Variants in SLK observed in about 807,000 individuals in gnomAD.
The protein encoded by SLK is STE20-like serine/threonine-protein kinase.
Under a neutral mutation model 147.7 loss-of-function variants are expected in SLK, and 67 were observed. The ratio of observed to expected loss-of-function variants is 0.45; its 90% CI spans 0.37 to 0.56. SLK has a LOEUF of 0.56. Ranked by LOEUF, SLK falls within the 20% of genes least tolerant of loss-of-function variation. SLK has a pLI of 0.00. For synonymous variants in SLK, 441 were observed against 475.0 expected (o/e 0.93, Z 0.93); for missense variants, 1,136 against 1,438.8 (o/e 0.79, Z 3.41).
chr10:104,023,048 G>T (rs996597360), intron 18 of SLK, among the ~76,000 whole-genome samples: 3 of 152,230 alleles, frequency 2.0e-5, no homozygotes, highest in Non-Finnish European at 4.4e-5. Flanking sequence ...CCTAGCATCT[G>T]CTTCAAACAC....
At chr10:104,022,670 C>T (rs1258051191) in intron 18 of SLK, among the ~76,000 whole-genome samples, 1 of 152,038 alleles carries the variant, frequency 6.6e-6, no homozygotes, top group African/African-American at 2.4e-5. Flanking sequence ...TGCAATGGTG[C>T]GATCTCGGCT....
Position 103,978,445 on chromosome 10 carries a change from C to G in SLK, c.150+10550C>G, listed in dbSNP as rs571839952. On this transcript the variant is annotated intron_variant, in intron 1 of 18. Transcript: ENST00000369755. ...ATTGCTGTTACTGTATGAAATGTTG[C>G]CTTTTTATTATAAAAATCTGTCACT... Among the ~76,000 whole-genome samples, 7 of 152,114 alleles carry G rather than the reference C, an allele frequency of 4.6e-5. No homozygotes were observed. In the South Asian group the frequency reaches 1.5e-3, roughly 32 times the overall value.
chr10:103,975,519 A>G (rs898902498), intron 1 of SLK, among the ~76,000 whole-genome samples: 4 of 39,220 alleles, frequency 1.0e-4, no homozygotes, highest in African/African-American at 7.3e-4. Flanking sequence ...CAAAGCTGCT[A>G]TCATCTCTTA....
In SLK at chr10:104,011,014, G is replaced by A. The variant is rs1289250378; in HGVS notation, c.2877+106G>A. 5.4e-6 allele frequency: 3 copies of A among 553,324 alleles called. No individual in the cohort carries two copies. The African/African-American group carries it at 5.8e-5, about 11-fold the overall frequency. The allele number at this position is 553,324 out of a possible 1,614,324, so 34.3% of individuals were successfully genotyped here. On this transcript the variant is annotated intron_variant, in intron 13 of 18. Transcript: ENST00000369755. ...ATTTTAAGTGTTATTATTATATGAT[G>A]TTGACTTCTCCCCATTCAAAAACTC...
Position 103,999,868 on chromosome 10 carries a change from T to G in SLK, c.784T>G (p.Ser262Ala). ...ATGTTGTTAAAATTTATTTTAAAGG[T>G]CTTCAAATTTTAAGGACTTTCTAAA... ...PPTLAQPSRW[S>A]SNFKDFLKKC... Residue 262 changes from serine to alanine, a missense_variant and splice_region_variant, in exon 7 of 19, where the codon TCT becomes GCT. This residue lies in a region of SLK where 141 missense variants were observed against 219.3 expected (regional missense o/e 0.64). Transcript: ENST00000369755. 1 of 1,343,824 alleles carries G rather than the reference T, an allele frequency of 7.4e-7. No homozygotes were observed. Among genetic ancestry groups the G allele is most frequent in the Non-Finnish European group, 1.1e-6 (1 of 950,842 alleles). 83.2% of individuals were successfully genotyped at this position (1,343,824 alleles called of 1,614,324 possible).
chr10:103,997,732 T>A (rs1222611738), intron 4 of SLK, among the ~76,000 whole-genome samples: 2 of 152,118 alleles, frequency 1.3e-5, no homozygotes. Context: ...TGGAGCTCTG[T>A]CGCCTTTCAG....
chr10:104,026,758 TTTAAA>T lies in SLK; in HGVS notation c.*1045_*1049del, dbSNP rs1271617252. ...TTAGTTCAGAATACTTTTTTAAAAG[TTTAAA>T]TTAAATATTTAGGCACGTCAGGAAT... is the stretch of plus-strand genomic sequence containing the variant. On this transcript the variant is annotated 3_prime_UTR_variant, in exon 19 of 19. Coordinates refer to ENST00000369755, the MANE Select transcript of SLK (RefSeq NM_014720.4). 5 of 152,220 alleles carry T rather than the reference TTTAAA, an allele frequency of 3.3e-5. No individual in the cohort carries two copies. The highest frequency in any genetic ancestry group is 5.9e-5 in the Non-Finnish European group (4 of 68,040). The allele number at this position is 152,220 out of a possible 1,614,324, so 9.4% of individuals were successfully genotyped here.
intron 4 of SLK, among the ~76,000 whole-genome samples, chr10:103,994,109 A>T (rs1008056264): frequency 1.3e-5 from 2 of 152,088 alleles, no homozygotes; most frequent in Non-Finnish European, 1.5e-5. Flanking sequence ...TGTTGACCAG[A>T]CTGGTCTTGA....
intron 1 of SLK, among the ~76,000 whole-genome samples, chr10:103,978,577 A>G (rs1221289485): frequency 4.6e-5 from 7 of 152,202 alleles, no homozygotes; most frequent in Non-Finnish European, 5.9e-5. Context: ...TTAAAGAGCA[A>G]TCATTTTCAG....
chr10:103,975,373 A>G (rs1181592387), intron 1 of SLK, among the ~76,000 whole-genome samples: 1 of 152,186 alleles, frequency 6.6e-6, no homozygotes, highest in Admixed American at 6.5e-5. Context: ...TGCATAGGCC[A>G]GAGACCTAGA....
intron 18 of SLK, among the ~76,000 whole-genome samples, chr10:104,023,111 CTATG>C (rs1380767658): frequency 6.6e-6 from 1 of 152,182 alleles, no homozygotes; most frequent in Non-Finnish European, 1.5e-5. Flanking sequence ...TAGTCAAATC[CTATG>C]GCCTTATCTA....
intron 9 of SLK, among the ~76,000 whole-genome samples, chr10:104,005,175 A>G (rs1050263394): frequency 3.9e-5 from 6 of 152,162 alleles, no homozygotes; most frequent in African/African-American, 1.4e-4. Flanking sequence ...GTCAGTGAAA[A>G]AGCAGAGGTA....
chr10:104,001,709 C>A, intron 8 of SLK, 137 bp downstream of exon 8: 1 of 883,750 alleles, frequency 1.1e-6, no homozygotes, highest in Non-Finnish European at 1.7e-6. Context: ...CAAGGTTGCT[C>A]GTCGCTGCAC....
At chr10:103,994,808 G>A (rs1844145419) in intron 4 of SLK, among the ~76,000 whole-genome samples, 1 of 152,190 alleles carries the variant, frequency 6.6e-6, no homozygotes, top group African/African-American at 2.4e-5. Context: ...TTTTGCTATT[G>A]CATACTCCTG....
intron 1 of SLK, among the ~76,000 whole-genome samples, chr10:103,969,308 C>T (rs1032785366): frequency 6.6e-6 from 1 of 152,192 alleles, no homozygotes; most frequent in African/African-American, 2.4e-5. Flanking sequence ...TCTGCCTCTG[C>T]CCTGCCTCAA....
At chr10:103,998,994 T>G (rs1554843403) in intron 5 of SLK, 23 bp downstream of exon 5, 3 of 1,565,896 alleles carry the variant, frequency 1.9e-6, no homozygotes, top group Non-Finnish European at 2.6e-6. Context: ...TTTTATGAAT[T>G]TATAGTATTA....
At position 104,021,225 on chromosome 10, in the gene SLK, A is replaced by G. The variant is rs1478282038; in HGVS notation, c.3448-395A>G. Among the ~76,000 whole-genome samples, 5 of 152,350 alleles carry G rather than the reference A, an allele frequency of 3.3e-5. No individual in the cohort carries two copies. In the East Asian group the frequency reaches 9.6e-4, roughly 29 times the overall value. On this transcript the variant is annotated intron_variant, in intron 17 of 18. Coordinates refer to ENST00000369755, the MANE Select transcript of SLK (RefSeq NM_014720.4). Reference sequence around the variant, plus strand: ...AGAACAGATCCTAATAGATTGGCCTAATGGGCCAATAGATCTTTTACAGGA... The same window carrying G: ...AGAACAGATCCTAATAGATTGGCCTGATGGGCCAATAGATCTTTTACAGGA...
chr10:104,016,227 G>A (rs1844463447), intron 13 of SLK, among the ~76,000 whole-genome samples: 1 of 152,006 alleles, frequency 6.6e-6, no homozygotes, highest in African/African-American at 2.4e-5. Flanking sequence ...GCTGAGGCAG[G>A]AGAATGGCAT....
chr10:104,003,479 C>T lies in SLK; in HGVS notation c.2301C>T (p.Ile767=). ...GCAGTATTGACTTGAATTTATCCAT[C>T]TCTAGCTTTCTAAGTAAAACTAAAG... The part of the protein sequence containing the change: ...DTSSIDLNLS[I]SSFLSKTKDS... The change falls in exon 9 of 19, where the codon ATC becomes ATT. Residue 767 remains isoleucine, a synonymous_variant. Transcript: ENST00000369755. The T allele has an allele frequency of 3.1e-6, 5 of 1,602,292 alleles. No individual in the cohort carries two copies. The highest frequency in any genetic ancestry group is 1.3e-5 in the African/African-American group (1 of 74,220).
Sources: gnomAD v4.1 joint callset for allele counts (sites outside exome capture counted in the v4.1 genomes callset) on GRCh38, gnomAD v4.1.1 for gene constraint, gnomAD v4.1.1 regional missense constraint, MANE v1.5 for transcripts, NCBI Gene and HGNC (gene_info 2026-07-23, HGNC 2026-07-21) for gene names.